Variants in NALF1 observed in about 807,000 individuals in gnomAD.
The protein encoded by NALF1 is family with sequence similarity 155 member A.
A neutral mutation model predicts 48.4 loss-of-function variants in NALF1; 3 were observed. That is an observed-to-expected ratio of 0.06 (90% CI 0.03 to 0.16). The LOEUF (loss-of-function observed/expected upper bound fraction) is 0.16. Ranked by LOEUF, NALF1 falls within the 10% of genes least tolerant of loss-of-function variation. The probability of loss-of-function intolerance (pLI) is 1.00; values close to 1 mark genes in which losing one functional copy is unlikely to be tolerated. For missense variants in NALF1, 526 were observed against 571.5 expected (o/e 0.92, Z 0.81); for synonymous variants, 262 against 245.7 (o/e 1.07, Z -0.62).
At chr13:107,483,082 T>C (rs1035241738) in intron 1 of NALF1, among the ~76,000 whole-genome samples, 8 of 152,140 alleles carry the variant, frequency 5.3e-5, no homozygotes, top group Non-Finnish European at 7.4e-5. Flanking sequence ...CCCAAATACC[T>C]TGTGAGCTCC....
intron 1 of NALF1, among the ~76,000 whole-genome samples, chr13:107,234,670 C>T (rs1246585444): frequency 1.3e-5 from 2 of 151,682 alleles, no homozygotes; most frequent in African/African-American, 4.9e-5. Flanking sequence ...AGTGACGTCC[C>T]CCAAGTCCTT....
At chr13:107,597,010 C>A (rs1476101367) in intron 1 of NALF1, among the ~76,000 whole-genome samples, 1 of 152,116 alleles carries the variant, frequency 6.6e-6, no homozygotes, top group Non-Finnish European at 1.5e-5. Flanking sequence ...AGGTATGCAA[C>A]TCTATTTCCC....
At chr13:107,620,374 G>T (rs1879488210) in intron 1 of NALF1, among the ~76,000 whole-genome samples, 1 of 152,220 alleles carries the variant, frequency 6.6e-6, no homozygotes, top group Non-Finnish European at 1.5e-5. Flanking sequence ...TATCATTGGA[G>T]TGATACAGGA....
intron 1 of NALF1, among the ~76,000 whole-genome samples, chr13:107,414,825 GT>G (rs1322447538): frequency 2.6e-5 from 4 of 152,024 alleles, no homozygotes; most frequent in Non-Finnish European, 4.4e-5. Flanking sequence ...GAGTGTGTGT[GT>G]GTGTGTATGT....
chr13:107,550,757 T>A lies in NALF1; in HGVS notation c.915+314925A>T, dbSNP rs78260578. On this transcript the variant is annotated intron_variant, in intron 1 of 2. Coordinates refer to ENST00000375915, the MANE Select transcript of NALF1 (RefSeq NM_001080396.3). The stretch of plus-strand genomic sequence containing the variant: ...AAAGGAAAGAAGGGTGAGTTTTGCA[T>A]ACCAAAGAGGATAACTAGACCAATG... Among the ~76,000 whole-genome samples, 1,320 of 152,296 alleles carry A rather than the reference T, an allele frequency of 8.7e-3. 19 individuals carry two copies. The highest frequency in any genetic ancestry group is 0.03 in the African/African-American group (1,238 of 41,564).
At chr13:107,555,951 T>A in intron 1 of NALF1, among the ~76,000 whole-genome samples, 1 of 152,224 alleles carries the variant, frequency 6.6e-6, no homozygotes. Flanking sequence ...GTAAGTAAAA[T>A]AACTTCCTTG....
At chr13:107,297,986 C>T (rs1881756188) in intron 1 of NALF1, among the ~76,000 whole-genome samples, 1 of 152,180 alleles carries the variant, frequency 6.6e-6, no homozygotes, top group African/African-American at 2.4e-5. Context: ...AACCCATCTG[C>T]TGTCCACCCA....
At chr13:107,631,899 CCT>C (rs1157899839) in intron 1 of NALF1, among the ~76,000 whole-genome samples, 2 of 152,088 alleles carry the variant, frequency 1.3e-5, no homozygotes, top group African/African-American at 4.8e-5. Flanking sequence ...CGTGCCACAG[CCT>C]CTCTCTGACT....
At chr13:107,625,987 A>C (rs1407908224) in intron 1 of NALF1, among the ~76,000 whole-genome samples, 1 of 152,082 alleles carries the variant, frequency 6.6e-6, no homozygotes, top group Non-Finnish European at 1.5e-5. Context: ...TGGGCTCAAT[A>C]ATGCTTATTT....
chr13:107,381,039 T>G (rs1883429216), intron 1 of NALF1, among the ~76,000 whole-genome samples: 1 of 149,200 alleles, frequency 6.7e-6, no homozygotes, highest in South Asian at 2.1e-4. Flanking sequence ...TCATTTCATA[T>G]ATATGTAAAA....
At chr13:107,636,828 A>C (rs1315343314) in intron 1 of NALF1, among the ~76,000 whole-genome samples, 1 of 150,856 alleles carries the variant, frequency 6.6e-6, no homozygotes, top group Non-Finnish European at 1.5e-5. Flanking sequence ...TATGAGGTAA[A>C]CCTGATCCAT....
intron 1 of NALF1, among the ~76,000 whole-genome samples, chr13:107,732,877 C>A (rs1876352391): frequency 6.6e-6 from 1 of 152,128 alleles, no homozygotes. Flanking sequence ...CATAAAGACA[C>A]ATATGGACAA....
intron 1 of NALF1, among the ~76,000 whole-genome samples, chr13:107,794,044 G>T (rs1262846978): frequency 6.6e-6 from 1 of 152,076 alleles, no homozygotes; most frequent in African/African-American, 2.4e-5. Flanking sequence ...AAACAGGAGA[G>T]AGAATTTCAC....
intron 1 of NALF1, among the ~76,000 whole-genome samples, chr13:107,265,804 A>G (rs1881027436): frequency 6.6e-6 from 1 of 152,180 alleles, no homozygotes; most frequent in African/African-American, 2.4e-5. Flanking sequence ...TAATTAATAT[A>G]TTGAAATTTT....
At chr13:107,271,728 G>T (rs997911850) in intron 1 of NALF1, among the ~76,000 whole-genome samples, 9 of 147,902 alleles carry the variant, frequency 6.1e-5, no homozygotes, top group South Asian at 4.3e-4. Flanking sequence ...GTCTGTACAA[G>T]TGTGTGCTTA....
At chr13:107,194,288 T>C (rs1879347555) in intron 2 of NALF1, among the ~76,000 whole-genome samples, 1 of 152,110 alleles carries the variant, frequency 6.6e-6, no homozygotes, top group Non-Finnish European at 1.5e-5. Flanking sequence ...TAAAAAGTAT[T>C]CAAAATTGGA....
chr13:107,864,681 C>T (rs1039493664), intron 1 of NALF1, among the ~76,000 whole-genome samples: 2 of 152,180 alleles, frequency 1.3e-5, no homozygotes, highest in African/African-American at 4.8e-5. Context: ...TACTAAAGGT[C>T]ACTGCAGTAT....
At chr13:107,253,819 C>G (rs1275439381) in intron 1 of NALF1, among the ~76,000 whole-genome samples, 1 of 152,150 alleles carries the variant, frequency 6.6e-6, no homozygotes, top group African/African-American at 2.4e-5. Context: ...ACGTCATTAA[C>G]TTCTGCTCAA....
intron 1 of NALF1, among the ~76,000 whole-genome samples, chr13:107,714,636 A>AAAAAAAAAAG (rs1174305261): frequency 2.0e-4 from 30 of 151,404 alleles, no homozygotes; most frequent in Non-Finnish European, 2.7e-4. Flanking sequence ...TAAAAAAAAA[A>AAAAAAAAAAG]AAAGAAAGAT....
Sources: allele counts gnomAD v4.1 joint callset (sites outside exome capture counted in the v4.1 genomes callset), GRCh38; gene constraint gnomAD v4.1.1; transcripts MANE v1.5; gene names NCBI Gene and HGNC (gene_info 2026-07-23, HGNC 2026-07-21).